The following TACR1 variants were observed in gnomAD, a reference collection of about 807,000 sequenced individuals.
TACR1 encodes the protein tachykinin receptor 1.
A neutral mutation model predicts 35.8 loss-of-function variants in TACR1; 25 were observed. The ratio of observed to expected loss-of-function variants is 0.70; its 90% CI spans 0.51 to 0.98. TACR1 has a LOEUF of 0.98. Ranked by LOEUF, TACR1 falls within the 50% of genes least tolerant of loss-of-function variation. The pLI is 0.00. For missense variants in TACR1, 478 were observed against 522.9 expected (o/e 0.91, Z 0.84); for synonymous variants, 195 against 206.7 (o/e 0.94, Z 0.48).
chr2:75,057,210 C>T (rs949409238), intron 2 of TACR1, among the ~76,000 whole-genome samples: 1 of 150,552 alleles, frequency 6.6e-6, no homozygotes, highest in Non-Finnish European at 1.5e-5. Context: ...GATGACATTA[C>T]CTTGTGAAAT....
rs143062102 is a variant in TACR1 at position 75,052,646 on chromosome 2, T to C, written c.735+959A>G. On this transcript the variant is annotated intron_variant, in intron 3 of 4. Coordinates refer to ENST00000305249, the MANE Select transcript of TACR1 (RefSeq NM_001058.4). ...TGAAATAAGTGAGAACAGTGTGTAT[T>C]TACTATTTGTGTAAAAAAGAAGAGA... Among the ~76,000 whole-genome samples the C allele has an allele frequency of 6.6e-5, 10 of 152,320 alleles. No homozygotes were observed. In the East Asian group the frequency reaches 1.9e-3, roughly 29 times the overall value.
intron 2 of TACR1, among the ~76,000 whole-genome samples, chr2:75,115,751 A>C (rs970286665): frequency 1.3e-5 from 2 of 151,746 alleles, no homozygotes; most frequent in Non-Finnish European, 2.9e-5. Flanking sequence ...CTAAAAATAC[A>C]AAAAAATTAG....
intron 2 of TACR1, among the ~76,000 whole-genome samples, chr2:75,081,776 G>A (rs977071347): frequency 2.0e-5 from 3 of 152,042 alleles, no homozygotes; most frequent in Non-Finnish European, 2.9e-5. Context: ...TCATTTATTA[G>A]CATGACCTAT....
chr2:75,138,132 A>G (rs149545720), intron 1 of TACR1, among the ~76,000 whole-genome samples: 1 of 152,320 alleles, frequency 6.6e-6, no homozygotes, highest in African/African-American at 2.4e-5. Flanking sequence ...CAGCAGTTAC[A>G]TAGTAGAGAT....
At chr2:75,135,632 T>C (rs146584646) in intron 1 of TACR1, among the ~76,000 whole-genome samples, 1 of 152,352 alleles carries the variant, frequency 6.6e-6, no homozygotes, top group Admixed American at 6.5e-5. Flanking sequence ...ATGGAAATAC[T>C]CAGTTTATAA....
chr2:75,135,132 C>A (rs144327114), intron 1 of TACR1, among the ~76,000 whole-genome samples: 1 of 152,128 alleles, frequency 6.6e-6, no homozygotes, highest in Non-Finnish European at 1.5e-5. Flanking sequence ...GCAGTGGAAC[C>A]CCTGCTGCCT....
chr2:75,149,631 G>A (rs1391682936), intron 1 of TACR1, among the ~76,000 whole-genome samples: 2 of 152,210 alleles, frequency 1.3e-5, no homozygotes, highest in Non-Finnish European at 2.9e-5. Context: ...AGCTTAAGCA[G>A]TTTTTGGGCT....
chr2:75,105,525 T>A (rs915922775), intron 2 of TACR1, among the ~76,000 whole-genome samples: 2 of 152,042 alleles, frequency 1.3e-5, no homozygotes, highest in Non-Finnish European at 2.9e-5. Context: ...AGATCTTAAA[T>A]GTTCTCACCA....
At chr2:75,102,649 C>A (rs1295009178) in intron 2 of TACR1, among the ~76,000 whole-genome samples, 1 of 151,924 alleles carries the variant, frequency 6.6e-6, no homozygotes, top group Non-Finnish European at 1.5e-5. Flanking sequence ...AAGGAGCAAT[C>A]TATGCTGAGC....
At chr2:75,138,441 G>A (rs1305874069) in intron 1 of TACR1, among the ~76,000 whole-genome samples, 1 of 152,182 alleles carries the variant, frequency 6.6e-6, no homozygotes. Flanking sequence ...CCCAAAGAAG[G>A]TGGTGGTTAC....
chr2:75,172,740 G>A lies in TACR1; in HGVS notation c.389+25806C>T, dbSNP rs78486038. ...TTAACAGCAGAAAGTACTTGCATTC[G>A]TTTGAAAAATAGAAATTTATTTATA... On this transcript the variant is annotated intron_variant, in intron 1 of 4. Transcript: ENST00000305249. 2.2e-3 allele frequency among the ~76,000 whole-genome samples: 341 copies of A among 152,208 alleles called. 8 individuals carry two copies. In the East Asian group the frequency reaches 0.026, roughly 12 times the overall value.
At chr2:75,154,488 C>CCACA (rs71245356) in intron 1 of TACR1, 2,157 of 53,556 alleles carry the variant, frequency 0.04, 204 homozygotes, top group African/African-American at 0.048. Flanking sequence ...CACTAACCCA[C>CCACA]CACACACACA....
chr2:75,071,424 C>T (rs545073537), intron 2 of TACR1, among the ~76,000 whole-genome samples: 2 of 152,334 alleles, frequency 1.3e-5, no homozygotes, highest in Admixed American at 6.5e-5. Flanking sequence ...TTCTCTGAAC[C>T]AGTATGGTCT....
At chr2:75,163,793 C>T (rs550964544) in intron 1 of TACR1, among the ~76,000 whole-genome samples, 2 of 152,072 alleles carry the variant, frequency 1.3e-5, no homozygotes, top group African/African-American at 4.8e-5. Flanking sequence ...TGATTTGTAT[C>T]CCAATATTGC....
intron 1 of TACR1, among the ~76,000 whole-genome samples, chr2:75,193,466 C>T (rs1675897954): frequency 6.6e-6 from 1 of 152,056 alleles, no homozygotes. Flanking sequence ...TCCAACTAAT[C>T]GTTATATTTT....
At chr2:75,109,934 A>T (rs1191378042) in intron 2 of TACR1, among the ~76,000 whole-genome samples, 1 of 152,180 alleles carries the variant, frequency 6.6e-6, no homozygotes, top group African/African-American at 2.4e-5. Flanking sequence ...AGGGCAGGCC[A>T]TTAAAAAATG....
chr2:75,073,238 C>G (rs1402979910), intron 2 of TACR1, among the ~76,000 whole-genome samples: 2 of 152,162 alleles, frequency 1.3e-5, no homozygotes, highest in East Asian at 3.8e-4. Flanking sequence ...GTTCCTAAAC[C>G]CAGCAGTCTA....
intron 1 of TACR1, among the ~76,000 whole-genome samples, chr2:75,175,464 T>C (rs1380343835): frequency 6.6e-6 from 1 of 152,228 alleles, no homozygotes; most frequent in Non-Finnish European, 1.5e-5. Flanking sequence ...AAAGTGAGTT[T>C]TGCTGGCTTA....
At chr2:75,164,861 A>G (rs1196453410) in intron 1 of TACR1, among the ~76,000 whole-genome samples, 2 of 152,244 alleles carry the variant, frequency 1.3e-5, no homozygotes, top group Non-Finnish European at 2.9e-5. Flanking sequence ...CCCAAGTTCC[A>G]TTAACACTTT....
Sources: gnomAD v4.1 joint callset for allele counts (sites outside exome capture counted in the v4.1 genomes callset) on GRCh38, gnomAD v4.1.1 for gene constraint, MANE v1.5 for transcripts, NCBI Gene and HGNC (gene_info 2026-07-23, HGNC 2026-07-21) for gene names.